Variants in ITPKB observed in about 807,000 individuals in gnomAD.
ITPKB encodes IP3 3-kinase B.
A neutral mutation model predicts 69.4 loss-of-function variants in ITPKB; 13 were observed. The observed-to-expected ratio is 0.19, with a 90% CI of 0.12 to 0.30. ITPKB has a LOEUF of 0.30. Ranked by LOEUF, ITPKB falls within the 10% of genes least tolerant of loss-of-function variation. The probability of loss-of-function intolerance (pLI) is 1.00; values close to 1 mark genes in which losing one functional copy is unlikely to be tolerated. For missense variants in ITPKB, 1,240 were observed against 1,250.5 expected (o/e 0.99, Z 0.13); for synonymous variants, 584 against 513.7 (o/e 1.14, Z -1.85).
chr1:226,698,782 C>T (rs1046419757), intron 2 of ITPKB, among the ~76,000 whole-genome samples: 1 of 152,224 alleles, frequency 6.6e-6, no homozygotes, highest in Non-Finnish European at 1.5e-5. Flanking sequence ...TCATCCTGTC[C>T]TGCTGACTGC....
rs1460920271 is a variant in ITPKB at position 226,637,552 on chromosome 1, CCT to C, written c.2625+125_2625+126del. The C allele has an allele frequency of 4.1e-6, 3 of 727,506 alleles. No homozygotes were observed. The highest frequency in any genetic ancestry group is 4.8e-6 in the Non-Finnish European group (2 of 412,500). 45.1% of individuals were successfully genotyped at this position (727,506 alleles called of 1,614,324 possible). On this transcript the variant is annotated intron_variant, in intron 7 of 7. Coordinates refer to ENST00000429204, the MANE Select transcript of ITPKB (RefSeq NM_002221.4). The surrounding 1 kb of genome is among the most constrained non-coding windows in gnomAD (Gnocchi z 4.3). ...TCCCCCGTGCAGCGAGGGTCTGGTC[CCT>C]GATGGCCTGCCTCTGGCTGCACCAC... is the stretch of plus-strand genomic sequence containing the variant.
At chr1:226,646,713 A>T (rs1571837660) in intron 4 of ITPKB, among the ~76,000 whole-genome samples, 1 of 151,390 alleles carries the variant, frequency 6.6e-6, no homozygotes, top group Non-Finnish European at 1.5e-5. Flanking sequence ...TCTACTAGCC[A>T]CTCTCTCTTC....
At chr1:226,689,564 T>TTTA (rs1656295801) in intron 2 of ITPKB, among the ~76,000 whole-genome samples, 1 of 134,972 alleles carries the variant, frequency 7.4e-6, no homozygotes, top group African/African-American at 2.9e-5. Flanking sequence ...GTCGGAAGGT[T>TTTA]TTATTTGTGT....
intron 2 of ITPKB, among the ~76,000 whole-genome samples, chr1:226,711,609 C>A (rs1377250422): frequency 6.6e-6 from 1 of 152,048 alleles, no homozygotes; most frequent in Non-Finnish European, 1.5e-5. Context: ...AAAAAACTAC[C>A]CAGGGAAATT....
At chr1:226,689,270 T>C (rs1468681556) in intron 2 of ITPKB, among the ~76,000 whole-genome samples, 1 of 152,236 alleles carries the variant, frequency 6.6e-6, no homozygotes, top group Non-Finnish European at 1.5e-5. Flanking sequence ...AATATTCTCT[T>C]CAAAGCCTAC....
At chr1:226,730,543 C>T (rs1267149398) in intron 2 of ITPKB, among the ~76,000 whole-genome samples, 1 of 152,184 alleles carries the variant, frequency 6.6e-6, no homozygotes, top group African/African-American at 2.4e-5. Context: ...CCAAGGTCTC[C>T]TCTCCCACCA....
At chr1:226,659,138 T>C (rs1669353443) in intron 2 of ITPKB, among the ~76,000 whole-genome samples, 1 of 152,108 alleles carries the variant, frequency 6.6e-6, no homozygotes, top group Admixed American at 6.5e-5. Context: ...TGCCCAGCTG[T>C]CTCCTGATTA....
chr1:226,674,107 A>G (rs1230480751), intron 2 of ITPKB, among the ~76,000 whole-genome samples: 3 of 152,188 alleles, frequency 2.0e-5, no homozygotes, highest in African/African-American at 7.2e-5. Context: ...ATAGAGTTCC[A>G]TGGATTTTAA....
intron 2 of ITPKB, among the ~76,000 whole-genome samples, chr1:226,692,900 G>A (rs889101798): frequency 2.6e-5 from 4 of 152,174 alleles, no homozygotes; most frequent in African/African-American, 4.8e-5. Flanking sequence ...TTCCTGACAA[G>A]AGCCAACAAT....
intron 2 of ITPKB, among the ~76,000 whole-genome samples, chr1:226,666,318 G>A (rs1669502179): frequency 6.6e-6 from 1 of 152,180 alleles, no homozygotes; most frequent in South Asian, 2.1e-4. Context: ...CAAGCCAGAG[G>A]CGCTCAGAGG....
intron 6 of ITPKB, 108 bp downstream of exon 6, chr1:226,639,449 G>A (rs1668907027): frequency 1.3e-6 from 1 of 769,590 alleles, no homozygotes; most frequent in East Asian, 2.5e-5. Context: ...GGGCTGGGGT[G>A]TGCTGTCCCT....
At chr1:226,731,642 A>G (rs1657591362) in intron 2 of ITPKB, among the ~76,000 whole-genome samples, 1 of 152,156 alleles carries the variant, frequency 6.6e-6, no homozygotes, top group Admixed American at 6.5e-5. Flanking sequence ...AGCAGAGCCC[A>G]TGAGTGTGTC....
intron 4 of ITPKB, among the ~76,000 whole-genome samples, chr1:226,645,068 GA>G (rs1669036336): frequency 6.6e-6 from 1 of 152,190 alleles, no homozygotes; most frequent in South Asian, 2.1e-4. Flanking sequence ...TGGCCCTGAT[GA>G]GTCACTGAAC....
intron 3 of ITPKB, among the ~76,000 whole-genome samples, chr1:226,648,077 C>T (rs114449374): frequency 0.015 from 2,321 of 152,296 alleles, 68 homozygotes; most frequent in African/African-American, 0.053. Flanking sequence ...GGCTCTGGGG[C>T]CTCGGCTCCA....
At chr1:226,647,117 A>G in intron 4 of ITPKB, 50 bp downstream of exon 4, 1 of 1,544,728 alleles carries the variant, frequency 6.5e-7, no homozygotes, top group South Asian at 1.1e-5. Flanking sequence ...TGCACCTGCC[A>G]TGTGGCTTGC....
At chr1:226,726,719 C>T (rs1004313588) in intron 2 of ITPKB, among the ~76,000 whole-genome samples, 1 of 151,866 alleles carries the variant, frequency 6.6e-6, no homozygotes, top group Non-Finnish European at 1.5e-5. Context: ...AAGCGTTCAG[C>T]GGCCGCATAT....
chr1:226,657,917 A>T (rs1418520988), intron 2 of ITPKB, among the ~76,000 whole-genome samples: 1 of 152,208 alleles, frequency 6.6e-6, no homozygotes, highest in Non-Finnish European at 1.5e-5. Context: ...GTGACCTTTC[A>T]GATGGGGGAG....
chr1:226,638,812 T>C (rs922372435), intron 6 of ITPKB, among the ~76,000 whole-genome samples: 2 of 151,876 alleles, frequency 1.3e-5, no homozygotes, highest in Non-Finnish European at 2.9e-5. Flanking sequence ...GAAGATTTGC[T>C]GCACGCTTGG....
rs1428205653 is a variant in ITPKB, at chr1:226,641,102, C to G, written c.2451+819G>C. 1.3e-5 allele frequency among the ~76,000 whole-genome samples: 2 copies of G among 152,226 alleles called. No homozygotes were observed. Among genetic ancestry groups the G allele is most frequent in the Admixed American group, 1.3e-4 (2 of 15,286 alleles). On this transcript the variant is annotated intron_variant, in intron 5 of 7. Transcript: ENST00000429204. The surrounding 1 kb of genome is among the most constrained non-coding windows in gnomAD (Gnocchi z 4.6). ...GAGGGGCCGGCGCCCCAAAGCCCGG[C>G]TCTTGCAAATTTAACAGCAAGGGTG...
Sources: allele counts gnomAD v4.1 joint callset (sites outside exome capture counted in the v4.1 genomes callset), GRCh38; gene constraint gnomAD v4.1.1; non-coding constraint Gnocchi (gnomAD v3.1); transcripts MANE v1.5; gene names NCBI Gene and HGNC (gene_info 2026-07-23, HGNC 2026-07-21).